ZNRF2: variants seen among roughly 807,000 people sequenced by gnomAD.
ZNRF2 encodes E3 ubiquitin-protein ligase ZNRF2.
In ZNRF2, 16 loss-of-function variants were observed where a neutral mutation model predicts 20.4. That is an observed-to-expected ratio of 0.79 (90% CI 0.53 to 1.19). The LOEUF is 1.19. ZNRF2 is among the 50% of genes most tolerant of loss of function. The pLI is 0.00. For synonymous variants in ZNRF2, 178 were observed against 144.9 expected (o/e 1.23, Z -1.64); for missense variants, 363 against 332.4 (o/e 1.09, Z -0.72).
chr7:30,357,435 A>T (rs1213246697), intron 3 of ZNRF2, among the ~76,000 whole-genome samples: 1 of 152,232 alleles, frequency 6.6e-6, no homozygotes, highest in African/African-American at 2.4e-5. Flanking sequence ...GAACTGAATA[A>T]CAGTGATGTT....
intron 3 of ZNRF2, among the ~76,000 whole-genome samples, chr7:30,361,524 G>C (rs571215048): frequency 3.8e-4 from 58 of 152,168 alleles, no homozygotes; most frequent in Non-Finnish European, 7.6e-4. Flanking sequence ...AATCCTGCTT[G>C]GATAACTTGC....
Position 30,357,239 on chromosome 7 carries a change from A to G in ZNRF2, c.671+1406A>G, listed in dbSNP as rs531794602. Among the ~76,000 whole-genome samples the G allele has an allele frequency of 1.8e-4, 28 of 152,236 alleles. 1 individual carries two copies. Among genetic ancestry groups the G allele is most frequent in the Non-Finnish European group, 3.7e-4 (25 of 68,036 alleles). On this transcript the variant is annotated intron_variant, in intron 3 of 4. Transcript: ENST00000323037. ...TTTTCAACCACACATGAAGTATTAT[A>G]GAAATTGATCATGTCCTAGAACATA... is the stretch of plus-strand genomic sequence containing the variant.
At chr7:30,350,150 T>C (rs1799940787) in intron 2 of ZNRF2, among the ~76,000 whole-genome samples, 1 of 152,042 alleles carries the variant, frequency 6.6e-6, no homozygotes, top group Admixed American at 6.6e-5. Context: ...TGTCTAGGTG[T>C]GGAATTAGTG....
chr7:30,347,496 T>C (rs1218869375), intron 2 of ZNRF2, among the ~76,000 whole-genome samples: 1 of 152,124 alleles, frequency 6.6e-6, no homozygotes, highest in Non-Finnish European at 1.5e-5. Context: ...CCAAGTCCAG[T>C]GAAAAGAAAT....
Position 30,307,242 on chromosome 7 carries a change from G to A in ZNRF2, c.470-16400G>A, listed in dbSNP as rs186284155. On this transcript the variant is annotated intron_variant, in intron 1 of 4. Transcript: ENST00000323037. ...CTGTCCTTGCATGCTGTGTCAAATGGCATCCATTGTTTGTGTGTTTCATAG... is the reference window on the plus strand; with the variant it reads ...CTGTCCTTGCATGCTGTGTCAAATGACATCCATTGTTTGTGTGTTTCATAG... Among the ~76,000 whole-genome samples, 491 of 150,540 alleles carry A rather than the reference G, an allele frequency of 3.3e-3. 2 individuals carry two copies. The highest frequency in any genetic ancestry group is 6.3e-3 in the South Asian group (30 of 4,750).
chr7:30,301,594 C>T (rs1339950004), intron 1 of ZNRF2, among the ~76,000 whole-genome samples: 1 of 151,164 alleles, frequency 6.6e-6, no homozygotes, highest in Non-Finnish European at 1.5e-5. Flanking sequence ...GGAAGAGGCA[C>T]TGGGCATGGT....
At chr7:30,316,335 C>T (rs974188915) in intron 1 of ZNRF2, among the ~76,000 whole-genome samples, 1 of 129,048 alleles carries the variant, frequency 7.7e-6, no homozygotes, top group African/African-American at 3.0e-5. Context: ...TGTCATAAAC[C>T]AGTAGATAGT....
rs907271210 is a variant in ZNRF2 at position 30,366,730 on chromosome 7, T to C, written c.*718T>C. On this transcript the variant is annotated 3_prime_UTR_variant, in exon 5 of 5. Coordinates refer to ENST00000323037, the MANE Select transcript of ZNRF2 (RefSeq NM_147128.4). ...ATTACATAATTACATTTTAATTAAA[T>C]ATAGAATATTCTACTGAATTGCAAT... 1 of 152,578 alleles carries C rather than the reference T, an allele frequency of 6.6e-6. No homozygotes were observed. The highest frequency in any genetic ancestry group is 2.4e-5 in the African/African-American group (1 of 41,456). The allele number at this position is 152,578 out of a possible 1,614,324, so 9.5% of individuals were successfully genotyped here.
At chr7:30,285,938 G>A in intron 1 of ZNRF2, 112 bp downstream of exon 1, 2 of 1,327,954 alleles carry the variant, frequency 1.5e-6, no homozygotes, top group East Asian at 3.1e-5. Flanking sequence ...GGGCGCCGGG[G>A]GCTGCCTCCC....
intron 2 of ZNRF2, among the ~76,000 whole-genome samples, chr7:30,344,235 C>G (rs996975910): frequency 7.2e-6 from 1 of 138,792 alleles, no homozygotes; most frequent in African/African-American, 2.6e-5. Context: ...GCTCTTGTTT[C>G]TTTTTTTTTT....
chr7:30,296,073 C>T (rs563782210), intron 1 of ZNRF2, among the ~76,000 whole-genome samples: 4 of 152,152 alleles, frequency 2.6e-5, no homozygotes, highest in South Asian at 4.2e-4. Flanking sequence ...GAATGTTTCC[C>T]AAAATGTATT....
chr7:30,365,900 T>G (rs541698346), intron 4 of ZNRF2, 135 bp from the exon 5 acceptor site: 5 of 152,204 alleles, frequency 3.3e-5, no homozygotes, highest in Non-Finnish European at 7.4e-5. Flanking sequence ...GTGACTAAAC[T>G]TTAATTGATC....
intron 1 of ZNRF2, chr7:30,288,873 A>G (rs1184660200): frequency 6.6e-6 from 1 of 152,046 alleles, no homozygotes; most frequent in East Asian, 1.9e-4. Context: ...TGTTGATGGT[A>G]TTTTAGGGTT....
In ZNRF2 at chr7:30,343,555, T is replaced by C. The variant is rs902001099; in HGVS notation, c.566-12173T>C. Among the ~76,000 whole-genome samples, 32 of 152,278 alleles carry C rather than the reference T, an allele frequency of 2.1e-4. No individual in the cohort carries two copies. In the South Asian group the frequency reaches 3.3e-3, roughly 16 times the overall value. ...GGGTATAAACATAACTATTATAACT[T>C]GGGTGCAAATTGCATTTTTTAATAT... On this transcript the variant is annotated intron_variant, in intron 2 of 4. Coordinates refer to ENST00000323037, the MANE Select transcript of ZNRF2 (RefSeq NM_147128.4).
chr7:30,291,281 G>T (rs984759392), intron 1 of ZNRF2, among the ~76,000 whole-genome samples: 3 of 152,164 alleles, frequency 2.0e-5, no homozygotes, highest in African/African-American at 7.2e-5. Flanking sequence ...CTGTAGGTTT[G>T]TTTTATCTAA....
chr7:30,288,990 A>G (rs564321039), intron 1 of ZNRF2: 2 of 152,208 alleles, frequency 1.3e-5, no homozygotes, highest in African/African-American at 4.8e-5. Context: ...TGCAGCAAGG[A>G]TGGGGTAGAT....
intron 2 of ZNRF2, among the ~76,000 whole-genome samples, chr7:30,346,276 G>A (rs1237626099): frequency 1.5e-5 from 2 of 131,952 alleles, no homozygotes; most frequent in East Asian, 2.4e-4. Context: ...TCACTGCAAC[G>A]TCTGCCTCCT....
intron 3 of ZNRF2, among the ~76,000 whole-genome samples, chr7:30,361,614 C>T (rs1800127982): frequency 6.6e-6 from 1 of 152,132 alleles, no homozygotes; most frequent in Non-Finnish European, 1.5e-5. Flanking sequence ...GAACTTTCTA[C>T]CATAATGGAA....
intron 1 of ZNRF2, among the ~76,000 whole-genome samples, chr7:30,322,262 C>T (rs1583580889): frequency 6.6e-6 from 1 of 152,174 alleles, no homozygotes; most frequent in East Asian, 1.9e-4. Flanking sequence ...AAATTGAATA[C>T]CTGGAGGATT....
Sources: allele counts gnomAD v4.1 joint callset (sites outside exome capture counted in the v4.1 genomes callset), GRCh38; gene constraint gnomAD v4.1.1; transcripts MANE v1.5; gene names NCBI Gene and HGNC (gene_info 2026-07-23, HGNC 2026-07-21).